Variants in ANKFN1 observed in about 807,000 individuals in gnomAD.
ANKFN1 encodes ankyrin repeat and fibronectin type-III domain-containing protein 1.
ANKFN1 carries 74 observed loss-of-function variants against 108.7 expected under a neutral mutation model. The ratio of observed to expected loss-of-function variants is 0.68; its 90% confidence interval spans 0.56 to 0.83. ANKFN1 has a LOEUF of 0.83. Ranked by LOEUF, ANKFN1 falls within the 40% of genes least tolerant of loss-of-function variation. The probability of loss-of-function intolerance (pLI) is 0.00; values close to 1 mark genes in which losing one functional copy is unlikely to be tolerated. For synonymous variants in ANKFN1, 547 were observed against 516.2 expected, an observed-to-expected ratio of 1.06 and a Z score of -0.81; for missense variants, 1,505 against 1,382.3, an observed-to-expected ratio of 1.09 and a Z score of -1.41.
chr17:56,054,527 TAA>T (rs1904832205), intron 4 of ANKFN1, among the ~76,000 whole-genome samples: 1 of 152,222 alleles, frequency 6.6e-6, no homozygotes, highest in Non-Finnish European at 1.5e-5. Flanking sequence ...CCAGTGCCTA[TAA>T]AAGTTATATT....
chr17:56,510,760 T>C lies in ANKFN1; in HGVS notation c.2932T>C (p.Phe978Leu), dbSNP rs773131726. ...EFLHSLTLTGFTPKNHAKTVS... is the reference protein window; with the variant it reads ...EFLHSLTLTGLTPKNHAKTVS... Reference sequence around the variant, plus strand: ...TCTCCATAGCCTGACCCTCACGGGGTTCACACCCAAGAACCACGCCAAGAC... The same window carrying C: ...TCTCCATAGCCTGACCCTCACGGGGCTCACACCCAAGAACCACGCCAAGAC... The change falls in exon 21 of 21, where the codon TTC (phenylalanine) becomes CTC (leucine). Residue 978 changes from phenylalanine (F) to leucine (L), a missense_variant. Physicochemically the swap from Phe to Leu is conservative, Grantham distance 22 (BLOSUM62 0). Coordinates refer to ENST00000682825, the MANE Select transcript of ANKFN1 (RefSeq NM_001370326.1). 5 of 1,535,838 alleles carry C rather than the reference T, an allele frequency of 3.3e-6. No homozygotes were observed. The East Asian group carries it at 1.2e-4, about 38-fold the overall frequency.
At chr17:56,341,707 C>A (rs2045963558) in intron 4 of ANKFN1, among the ~76,000 whole-genome samples, 1 of 151,652 alleles carries the variant, frequency 6.6e-6, no homozygotes, top group Non-Finnish European at 1.5e-5. Context: ...ATTTAGTTTG[C>A]CAGTATTTTG....
chr17:56,447,648 G>A (rs1282651054), intron 10 of ANKFN1, among the ~76,000 whole-genome samples: 1 of 152,168 alleles, frequency 6.6e-6, no homozygotes, highest in Non-Finnish European at 1.5e-5. Flanking sequence ...TTCTTCATAG[G>A]TAATCAGCTG....
chr17:56,476,755 C>T (rs967230543), intron 15 of ANKFN1, among the ~76,000 whole-genome samples: 1 of 152,132 alleles, frequency 6.6e-6, no homozygotes, highest in African/African-American at 2.4e-5. Context: ...GTGAAGACTT[C>T]AAATACTTTT....
Position 56,510,825 on chromosome 17 carries a change from G to A in ANKFN1, c.2997G>A (p.Lys999=). Residue 999 remains lysine (K), a synonymous_variant, in exon 21 of 21, where the codon AAG becomes AAA. Transcript: ENST00000682825. ...GGRPPLGFLG[K]RKPGKHPHYG... is the part of the protein sequence containing the mutation. ...GGCCCCCGCTAGGCTTCCTGGGAAA[G>A]CGGAAGCCAGGCAAGCACCCCCACT... The A allele has an allele frequency of 6.5e-7, 1 of 1,536,188 alleles. No individual in the cohort carries two copies. The highest frequency in any genetic ancestry group is 8.7e-7 in the Non-Finnish European group (1 of 1,146,924).
chr17:56,200,280 T>C (rs1270980837), intron 1 of ANKFN1, among the ~76,000 whole-genome samples: 1 of 152,204 alleles, frequency 6.6e-6, no homozygotes, highest in Non-Finnish European at 1.5e-5. Context: ...AGTGAGTATA[T>C]CACTTCATCG....
At chr17:56,416,852 A>G (rs1030097463) in intron 8 of ANKFN1, among the ~76,000 whole-genome samples, 4 of 152,230 alleles carry the variant, frequency 2.6e-5, no homozygotes, top group African/African-American at 9.6e-5. Context: ...TGGCACATTT[A>G]CACAGTGGAG....
chr17:56,152,531 G>A (rs1908722360), upstream of ANKFN1, among the ~76,000 whole-genome samples: 2 of 151,970 alleles, frequency 1.3e-5, no homozygotes, highest in South Asian at 4.2e-4. Flanking sequence ...CTGGGCTCAA[G>A]TCCTCTATTT....
In ANKFN1 at chr17:56,068,157, T is replaced by C. The variant is rs536638613; in HGVS notation, c.288+21832T>C. On this transcript the variant is annotated intron_variant, in intron 4 of 12. Coordinates refer to the ANKFN1 transcript ENST00000635860. ...CCACCTGTATGCATCTGGGAAACTT[T>C]ACCCATTCATCAGGACGTAGTTCAA... 6.6e-5 allele frequency among the ~76,000 whole-genome samples: 10 copies of C among 152,284 alleles called. No homozygotes were observed. In the South Asian group the frequency reaches 2.1e-3, roughly 32 times the overall value.
intron 4 of ANKFN1, among the ~76,000 whole-genome samples, chr17:56,137,449 G>A (rs1231761336): frequency 2.0e-5 from 3 of 152,138 alleles, no homozygotes; most frequent in Admixed American, 1.3e-4. Context: ...AGCCCTCGTA[G>A]AAACTTCCAA....
At chr17:56,350,582 C>T (rs1052051178) in intron 4 of ANKFN1, among the ~76,000 whole-genome samples, 184 bp from the exon 5 acceptor site, 4 of 152,122 alleles carry the variant, frequency 2.6e-5, no homozygotes, top group African/African-American at 9.7e-5. Flanking sequence ...TAAGCTGCTT[C>T]CTTTCCCTGG....
chr17:56,464,482 C>T (rs1331651449), intron 14 of ANKFN1, among the ~76,000 whole-genome samples: 2 of 152,034 alleles, frequency 1.3e-5, no homozygotes, highest in African/African-American at 4.8e-5. Context: ...AACTCATACA[C>T]CAATACATGC....
Position 56,318,769 on chromosome 17 carries a change from G to GT in ANKFN1, c.54-7451dup, listed in dbSNP as rs373971309. On this transcript the variant is annotated intron_variant, in intron 3 of 20. Transcript: ENST00000682825. Reference sequence around the variant, plus strand: ...TGCTGAGAATCTTATTGGAGTCAACGTCTTAGTTCTGAGTTAGGACTACTC... The same window carrying GT: ...TGCTGAGAATCTTATTGGAGTCAACGTTCTTAGTTCTGAGTTAGGACTACTC... 8.5e-4 allele frequency among the ~76,000 whole-genome samples: 130 copies of GT among 152,188 alleles called. 1 individual carries two copies. The highest frequency in any genetic ancestry group is 2.8e-3 in the African/African-American group (116 of 41,524).
At chr17:56,296,005 G>T (rs1451052311) in intron 3 of ANKFN1, among the ~76,000 whole-genome samples, 1 of 152,050 alleles carries the variant, frequency 6.6e-6, no homozygotes, top group Non-Finnish European at 1.5e-5. Context: ...AAACCACTAT[G>T]GATACACATG....
At chr17:56,108,356 G>T (rs574177185) in intron 4 of ANKFN1, among the ~76,000 whole-genome samples, 1 of 152,236 alleles carries the variant, frequency 6.6e-6, no homozygotes, top group Non-Finnish European at 1.5e-5. Flanking sequence ...TTCATTACAT[G>T]CCTACACGTT....
intron 2 of ANKFN1, among the ~76,000 whole-genome samples, chr17:56,214,312 G>A (rs1171327741): frequency 1.3e-5 from 2 of 152,196 alleles, no homozygotes; most frequent in African/African-American, 4.8e-5. Context: ...GATGATCTCT[G>A]TCTGAGATGG....
chr17:56,239,009 A>T (rs940197578), intron 3 of ANKFN1, among the ~76,000 whole-genome samples: 2 of 152,144 alleles, frequency 1.3e-5, no homozygotes, highest in African/African-American at 4.8e-5. Flanking sequence ...ACAATCTCCT[A>T]AGTCTTCAGC....
chr17:56,354,026 G>C lies in ANKFN1; in HGVS notation c.581G>C (p.Gly194Ala). The C allele has an allele frequency of 6.2e-7, 1 of 1,613,798 alleles. No homozygotes were observed. Among genetic ancestry groups the C allele is most frequent in the Non-Finnish European group, 8.5e-7 (1 of 1,179,900 alleles). ...ATTGCAAGGATTCTTCTGAGGACAG[G>C]GGCCCGAGAAAGTCCACACTGTAAG... The part of the protein sequence containing the change: ...VPIARILLRT[G>A]ARESPHFVSL... Residue 194 changes from glycine to alanine, a missense_variant, in exon 6 of 21, where the codon GGG becomes GCG. Coordinates refer to ENST00000682825, the MANE Select transcript of ANKFN1 (RefSeq NM_001370326.1).
chr17:56,396,497 T>C (rs191973787), intron 8 of ANKFN1, among the ~76,000 whole-genome samples: 5 of 152,154 alleles, frequency 3.3e-5, no homozygotes, highest in African/African-American at 1.2e-4. Context: ...AAATCATTCT[T>C]ACTTTTACAT....
Sources: allele counts gnomAD v4.1 joint callset (sites outside exome capture counted in the v4.1 genomes callset), GRCh38; gene constraint gnomAD v4.1.1; transcripts MANE v1.5; gene names NCBI Gene and HGNC (gene_info 2026-07-23, HGNC 2026-07-21).